JPH3: variants seen among roughly 807,000 people sequenced by gnomAD.
The protein encoded by JPH3 is junctophilin-3.
Under a neutral mutation model 59.6 loss-of-function variants are expected in JPH3, and 11 were observed. The observed-to-expected ratio is 0.18, with a 90% CI of 0.12 to 0.31. The LOEUF is 0.31. Among genes scored for constraint, JPH3 ranks in the 10% least tolerant of loss-of-function variants. The pLI is 1.00. For missense variants in JPH3, 1,202 were observed against 1,105.7 expected, an observed-to-expected ratio of 1.09 and a Z score of -1.24; for synonymous variants, 673 against 483.6, an observed-to-expected ratio of 1.39 and a Z score of -5.14.
At chr16:87,635,278 C>G (rs117975753) in intron 1 of JPH3, among the ~76,000 whole-genome samples, 1,781 of 152,298 alleles carry the variant, frequency 0.012, 10 homozygotes, top group Middle Eastern at 0.02. Flanking sequence ...GGAGGTGGAG[C>G]ACCTGGTGAG....
At chr16:87,604,572 G>A (rs893694311) in intron 1 of JPH3, 1 of 1,240,344 alleles carries the variant, frequency 8.1e-7, no homozygotes, top group Non-Finnish European at 1.0e-6. Context: ...TGCCTGGGAA[G>A]GGAGTGAGAC....
intron 4 of JPH3, among the ~76,000 whole-genome samples, chr16:87,691,006 C>A (rs886212958): frequency 6.6e-6 from 1 of 152,110 alleles, no homozygotes; most frequent in African/African-American, 2.4e-5. Flanking sequence ...AGGTTTCTCT[C>A]ACCCATGGGG....
chr16:87,666,760 A>G (rs1310165786), intron 2 of JPH3, among the ~76,000 whole-genome samples: 1 of 152,162 alleles, frequency 6.6e-6, no homozygotes, highest in Non-Finnish European at 1.5e-5. Context: ...CTAATATAAG[A>G]GAACCCCTAA....
chr16:87,656,469 G>T (rs543229505), intron 2 of JPH3, among the ~76,000 whole-genome samples: 17 of 152,374 alleles, frequency 1.1e-4, no homozygotes, highest in African/African-American at 4.1e-4. Flanking sequence ...GCCCCGGTAT[G>T]TCTGCAACGA....
chr16:87,621,149 ACT>A (rs1286764134), intron 1 of JPH3, among the ~76,000 whole-genome samples: 6 of 149,444 alleles, frequency 4.0e-5, no homozygotes, highest in African/African-American at 1.5e-4. Flanking sequence ...ACAGAGCGAG[ACT>A]CTGTCTCAAA....
At chr16:87,624,861 G>A (rs966903521) in intron 1 of JPH3, among the ~76,000 whole-genome samples, 2 of 152,186 alleles carry the variant, frequency 1.3e-5, no homozygotes, top group Non-Finnish European at 2.9e-5. Context: ...GTGCAGTAGC[G>A]TGATCTTGGC....
intron 4 of JPH3, 135 bp from the exon 5 acceptor site, chr16:87,696,445 G>T: frequency 2.8e-6 from 2 of 724,344 alleles, no homozygotes; most frequent in Non-Finnish European, 2.4e-6. Context: ...GTGTCCAAGC[G>T]TTTCTAACAT....
chr16:87,635,170 C>A (rs1412723428), intron 1 of JPH3, among the ~76,000 whole-genome samples: 1 of 152,092 alleles, frequency 6.6e-6, no homozygotes, highest in African/African-American at 2.4e-5. Flanking sequence ...TTAGTGGGCT[C>A]CTTGCTCCTC....
At chr16:87,687,823 G>A (rs2033454866) in intron 3 of JPH3, among the ~76,000 whole-genome samples, 1 of 152,204 alleles carries the variant, frequency 6.6e-6, no homozygotes, top group Admixed American at 6.5e-5. Flanking sequence ...TGGACGACCT[G>A]GTGGGAAAGG....
intron 1 of JPH3, among the ~76,000 whole-genome samples, chr16:87,621,624 G>A (rs35668510): frequency 0.31 from 47,078 of 152,134 alleles, 7,564 homozygotes; most frequent in African/African-American, 0.35. Context: ...TGTCTCAGAC[G>A]GTGGATGCAG....
intron 1 of JPH3, among the ~76,000 whole-genome samples, chr16:87,609,074 G>A (rs955047336): frequency 2.0e-5 from 3 of 152,236 alleles, no homozygotes; most frequent in African/African-American, 4.8e-5. Context: ...CTACTCAGTC[G>A]GTGCATGGAT....
intron 2 of JPH3, among the ~76,000 whole-genome samples, chr16:87,646,979 G>C (rs977300220): frequency 6.6e-6 from 1 of 152,172 alleles, no homozygotes; most frequent in African/African-American, 2.4e-5. Context: ...AGCCCAGGTG[G>C]CATGGACAGG....
chr16:87,638,670 C>G (rs961599104), intron 1 of JPH3, among the ~76,000 whole-genome samples: 3 of 152,128 alleles, frequency 2.0e-5, no homozygotes, highest in East Asian at 3.9e-4. Flanking sequence ...GGTCCCTGCT[C>G]TGCTCACCTG....
At chr16:87,689,412 C>T (rs1189130714) in intron 3 of JPH3, among the ~76,000 whole-genome samples, 1 of 152,152 alleles carries the variant, frequency 6.6e-6, no homozygotes, top group Non-Finnish European at 1.5e-5. Flanking sequence ...TCCTGTGGTG[C>T]CTGGGCCTAG....
chr16:87,620,737 C>T (rs1394081745), intron 1 of JPH3, among the ~76,000 whole-genome samples: 1 of 152,206 alleles, frequency 6.6e-6, no homozygotes, highest in South Asian at 2.1e-4. Flanking sequence ...GAGACTGAGG[C>T]CAGAGATGCG....
Position 87,690,142 on chromosome 16 carries a change from C to A in JPH3, c.1782C>A (p.Ser594Arg). 6.3e-7 allele frequency: 1 copy of A among 1,595,738 alleles called. No homozygotes were observed. The highest frequency in any genetic ancestry group is 2.3e-5 in the East Asian group (1 of 43,594). The change falls in exon 4 of 5, where the codon AGC becomes AGA. Residue 594 changes from serine (S) to arginine (R), a missense_variant. Physicochemically the swap from Ser to Arg is moderately radical, Grantham distance 110. Transcript: ENST00000284262. Reference sequence around the variant, plus strand: ...CCCACCACCGGGCCAGCAACCACAGCCCCGGAGGCTCCAGGCTGCTGGAGC... The same window carrying A: ...CCCACCACCGGGCCAGCAACCACAGACCCGGAGGCTCCAGGCTGCTGGAGC... ...WTSHHRASNH[S>R]PGGSRLLELQ...
rs1292336269 is a variant in JPH3, at chr16:87,633,529, C to T, written c.383-10729C>T. ...TATATATTAAATGATGGGCGGGGCG[C>T]GGTGGCTCACACCTGTAATTCCAGT... On this transcript the variant is annotated intron_variant, in intron 1 of 4. Transcript: ENST00000284262. 5.9e-5 allele frequency among the ~76,000 whole-genome samples: 9 copies of T among 151,856 alleles called. No individual in the cohort carries two copies. In the East Asian group the frequency reaches 9.7e-4, roughly 16 times the overall value.
intron 3 of JPH3, among the ~76,000 whole-genome samples, chr16:87,688,060 C>G (rs1454635968): frequency 6.6e-6 from 1 of 152,054 alleles, no homozygotes; most frequent in Non-Finnish European, 1.5e-5. Flanking sequence ...CAGGTGGGTA[C>G]GTGGATGTCA....
At chr16:87,661,507 G>A (rs572147929) in intron 2 of JPH3, among the ~76,000 whole-genome samples, 2 of 152,366 alleles carry the variant, frequency 1.3e-5, no homozygotes, top group South Asian at 2.1e-4. Flanking sequence ...GACTTTGGGG[G>A]TCCAGGACTG....
Sources: allele counts gnomAD v4.1 joint callset (sites outside exome capture counted in the v4.1 genomes callset), GRCh38; gene constraint gnomAD v4.1.1; transcripts MANE v1.5; gene names NCBI Gene and HGNC (gene_info 2026-07-23, HGNC 2026-07-21).